Variants in RBFOX1 observed in about 807,000 individuals in gnomAD.
The protein encoded by RBFOX1 is RNA binding fox-1 homolog 1.
In RBFOX1, 8 loss-of-function variants were observed where a neutral mutation model predicts 57.7. That is an observed-to-expected ratio of 0.14 (90% confidence interval 0.08 to 0.25). The LOEUF (loss-of-function observed/expected upper bound fraction) is 0.25, where lower values mean the gene tolerates loss of function less well. RBFOX1 is among the 10% of genes least tolerant of loss of function. RBFOX1 has a pLI of 1.00. For synonymous variants in RBFOX1, 326 were observed against 222.4 expected (o/e 1.47, Z -4.15); for missense variants, 611 against 548.5 (o/e 1.11, Z -1.14).
At chr16:6,145,341 C>G (rs2096749804) in intron 1 of RBFOX1, among the ~76,000 whole-genome samples, 2 of 152,114 alleles carry the variant, frequency 1.3e-5, no homozygotes, top group African/African-American at 4.8e-5. Context: ...CCAACTCCAT[C>G]CATGTCCCTG....
chr16:7,024,327 C>T (rs777287237), intron 3 of RBFOX1, among the ~76,000 whole-genome samples: 7 of 152,032 alleles, frequency 4.6e-5, no homozygotes, highest in Non-Finnish European at 8.8e-5. Context: ...CATCCTGGTA[C>T]CATAAGTGAT....
In RBFOX1 at chr16:7,034,841, C is replaced by CTTTTTTTTTTTTTTTTTTTTT. The variant is rs1255430430; in HGVS notation, c.-15-17210_-15-17209insTTTTTTTTTTTTTTTTTTTTT. ...ATATTGCATTACTTTTTTTTTTTTTCTTTTTTCTTTTTTTTTTTTTTTTTT... is the reference window on the plus strand; with the variant it reads ...ATATTGCATTACTTTTTTTTTTTTTCTTTTTTTTTTTTTTTTTTTTTTTTTTTCTTTTTTTTTTTTTTTTTT... On this transcript the variant is annotated intron_variant, in intron 3 of 15. Transcript: ENST00000550418. Among the ~76,000 whole-genome samples the CTTTTTTTTTTTTTTTTTTTTT allele has an allele frequency of 8.6e-3, 337 of 38,994 alleles. 48 individuals are homozygous for CTTTTTTTTTTTTTTTTTTTTT. The highest frequency in any genetic ancestry group is 0.011 in the East Asian group (10 of 872). 25.6% of individuals were successfully genotyped at this position (38,994 alleles called of 152,430 possible). A position where few individuals can be genotyped will look rare whatever the true frequency, so the allele number is the denominator to read the frequency against.
chr16:6,834,392 T>A (rs1209139978), intron 3 of RBFOX1, among the ~76,000 whole-genome samples: 1 of 152,130 alleles, frequency 6.6e-6, no homozygotes, highest in Non-Finnish European at 1.5e-5. Flanking sequence ...CCAAAAAATA[T>A]TTTAATAAGA....
At chr16:6,324,077 C>G (rs935515305) in intron 2 of RBFOX1, among the ~76,000 whole-genome samples, 2 of 152,126 alleles carry the variant, frequency 1.3e-5, no homozygotes, top group African/African-American at 2.4e-5. Flanking sequence ...TCAGCCAACT[C>G]TGAGCTTTTA....
intron 4 of RBFOX1, among the ~76,000 whole-genome samples, chr16:7,335,814 C>T (rs193219967): frequency 1.3e-5 from 2 of 152,258 alleles, no homozygotes; most frequent in Admixed American, 1.3e-4. Flanking sequence ...TATTGGATCT[C>T]CTGAACCCAT....
intron 2 of RBFOX1, among the ~76,000 whole-genome samples, chr16:6,591,245 A>G (rs60588130): frequency 0.023 from 3,577 of 152,268 alleles, 138 homozygotes; most frequent in African/African-American, 0.08. Flanking sequence ...CAGGAGTTCA[A>G]GACCAGCCTG....
At chr16:5,769,005 A>C (rs1183966435) in intron 3 of RBFOX1, among the ~76,000 whole-genome samples, 1 of 152,156 alleles carries the variant, frequency 6.6e-6, no homozygotes, top group Non-Finnish European at 1.5e-5. Flanking sequence ...GAGCACCATT[A>C]GTGAGTGTCA....
intron 3 of RBFOX1, among the ~76,000 whole-genome samples, chr16:5,694,922 T>C (rs1220565795): frequency 6.6e-6 from 1 of 151,898 alleles, no homozygotes; most frequent in Admixed American, 6.6e-5. Context: ...ATAAGATGTC[T>C]GTTAAGTAGT....
At chr16:5,631,127 G>T (rs1210670987) in intron 3 of RBFOX1, among the ~76,000 whole-genome samples, 1 of 152,174 alleles carries the variant, frequency 6.6e-6, no homozygotes, top group African/African-American at 2.4e-5. Context: ...CTAAAGCAAA[G>T]CAAAGAAAAC....
At chr16:7,004,690 C>T (rs530752702) in intron 3 of RBFOX1, among the ~76,000 whole-genome samples, 4 of 152,262 alleles carry the variant, frequency 2.6e-5, no homozygotes, top group Non-Finnish European at 5.9e-5. Flanking sequence ...TATACAAAAG[C>T]CACATCATAA....
At chr16:7,040,935 G>T (rs879272692) in intron 3 of RBFOX1, among the ~76,000 whole-genome samples, 1 of 151,202 alleles carries the variant, frequency 6.6e-6, no homozygotes, top group Non-Finnish European at 1.5e-5. Context: ...TGCTGGGGGG[G>T]GAAGGAGTCT....
intron 2 of RBFOX1, among the ~76,000 whole-genome samples, chr16:6,499,611 G>A (rs576446735): frequency 6.2e-4 from 94 of 152,152 alleles, no homozygotes; most frequent in African/African-American, 2.2e-3. Flanking sequence ...GAATGATTCA[G>A]CTTAAAAATC....
chr16:6,909,752 G>C (rs1189082175), intron 3 of RBFOX1, among the ~76,000 whole-genome samples: 1 of 151,994 alleles, frequency 6.6e-6, no homozygotes, highest in African/African-American at 2.4e-5. Flanking sequence ...CACTTTTTTT[G>C]GTGTTATTTT....
chr16:7,526,972 G>C (rs1455313553), intron 5 of RBFOX1, among the ~76,000 whole-genome samples: 1 of 152,190 alleles, frequency 6.6e-6, no homozygotes, highest in East Asian at 1.9e-4. Context: ...ATAGGTTGCT[G>C]TTGCAGAAAG....
Position 5,342,998 on chromosome 16 carries a change from C to T in RBFOX1, c.219+102893C>T, listed in dbSNP as rs550295239. 1.2e-4 allele frequency among the ~76,000 whole-genome samples: 18 copies of T among 152,306 alleles called. No individual in the cohort carries two copies. In the South Asian group the frequency reaches 3.5e-3, roughly 30 times the overall value. ...CTCCAGTGATCGGTTCAGGGTTGGG[C>T]ATACCACCCAAGACTAAGTCAATGG... On this transcript the variant is annotated intron_variant, in intron 1 of 2. Transcript: ENST00000585867.
chr16:5,353,239 G>A (rs1168928678), intron 1 of RBFOX1, among the ~76,000 whole-genome samples: 4 of 152,060 alleles, frequency 2.6e-5, no homozygotes, highest in African/African-American at 7.2e-5. Context: ...TTAGCCAGGT[G>A]TGGTGGCACA....
chr16:6,224,134 G>T (rs1278891005), intron 1 of RBFOX1, among the ~76,000 whole-genome samples: 1 of 152,022 alleles, frequency 6.6e-6, no homozygotes. Context: ...GTCAGGTAGC[G>T]TGATGCCTCC....
intron 3 of RBFOX1, among the ~76,000 whole-genome samples, chr16:6,885,656 C>G (rs1048971610): frequency 6.6e-6 from 1 of 151,982 alleles, no homozygotes; most frequent in Non-Finnish European, 1.5e-5. Context: ...CTTAGCCTCC[C>G]TAGTAGCTGG....
intron 2 of RBFOX1, among the ~76,000 whole-genome samples, chr16:6,377,095 A>G (rs1302247364): frequency 1.3e-5 from 2 of 151,626 alleles, no homozygotes; most frequent in African/African-American, 4.9e-5. Flanking sequence ...CAACATGGAA[A>G]AATTCCATCC....
Sources: gnomAD v4.1 joint callset for allele counts (sites outside exome capture counted in the v4.1 genomes callset) on GRCh38, gnomAD v4.1.1 for gene constraint, MANE v1.5 for transcripts, NCBI Gene and HGNC (gene_info 2026-07-23, HGNC 2026-07-21) for gene names.